CNTNAP2: variants seen among roughly 807,000 people sequenced by gnomAD.
The protein encoded by CNTNAP2 is contactin associated protein 2.
CNTNAP2 carries 98 observed loss-of-function variants against 155.2 expected under a neutral mutation model. That is an observed-to-expected ratio of 0.63 (90% CI 0.54 to 0.75). The LOEUF is 0.75. CNTNAP2 is among the 30% of genes least tolerant of loss of function. The pLI, the probability that CNTNAP2 is intolerant of heterozygous loss-of-function variation, is 0.00. For missense variants in CNTNAP2, 1,727 were observed against 1,688.1 expected, an observed-to-expected ratio of 1.02 and a Z score of -0.40; for synonymous variants, 651 against 631.2, an observed-to-expected ratio of 1.03 and a Z score of -0.47.
intron 10 of CNTNAP2, among the ~76,000 whole-genome samples, chr7:147,407,294 C>T (rs540997897): frequency 0.016 from 2,380 of 151,730 alleles, 26 homozygotes; most frequent in Middle Eastern, 0.031. Context: ...TGGTGAAACC[C>T]CGTCTCTCCT....
intron 1 of CNTNAP2, among the ~76,000 whole-genome samples, chr7:146,532,908 C>A (rs1267373518): frequency 6.6e-6 from 1 of 151,626 alleles, no homozygotes; most frequent in Non-Finnish European, 1.5e-5. Context: ...TGTGCTGAAA[C>A]CCCATCTCTA....
At chr7:146,527,937 C>T (rs1259309599) in intron 1 of CNTNAP2, among the ~76,000 whole-genome samples, 1 of 152,046 alleles carries the variant, frequency 6.6e-6, no homozygotes, top group East Asian at 1.9e-4. Flanking sequence ...AAATTTAACT[C>T]CTTATATTAC....
chr7:146,299,962 C>T (rs979298314), intron 1 of CNTNAP2, among the ~76,000 whole-genome samples: 1 of 152,044 alleles, frequency 6.6e-6, no homozygotes, highest in Non-Finnish European at 1.5e-5. Flanking sequence ...TTAGAAAGAG[C>T]CATTATACAT....
At chr7:147,625,661 G>C (rs981156072) in intron 12 of CNTNAP2, among the ~76,000 whole-genome samples, 8 of 152,174 alleles carry the variant, frequency 5.3e-5, no homozygotes, top group Non-Finnish European at 8.8e-5. Context: ...CTAATGTGCA[G>C]TTCTCACCTG....
chr7:146,952,200 C>T (rs758453070), intron 3 of CNTNAP2, among the ~76,000 whole-genome samples: 9 of 152,224 alleles, frequency 5.9e-5, no homozygotes, highest in Middle Eastern at 3.4e-3. Context: ...TCAATAGATG[C>T]TGAAAAGGCC....
chr7:147,660,897 T>TGGGG (rs1364342599), intron 13 of CNTNAP2, among the ~76,000 whole-genome samples: 1 of 152,144 alleles, frequency 6.6e-6, no homozygotes, highest in Non-Finnish European at 1.5e-5. Flanking sequence ...AAGGGAGATA[T>TGGGG]GGGGATATGG....
chr7:148,179,175 T>C (rs1794992771), intron 18 of CNTNAP2, among the ~76,000 whole-genome samples: 1 of 152,056 alleles, frequency 6.6e-6, no homozygotes, highest in Non-Finnish European at 1.5e-5. Flanking sequence ...CCTTAGTAAC[T>C]CCTGCATCCC....
intron 14 of CNTNAP2, chr7:147,940,296 GTC>G (rs932986301): frequency 1.4e-3 from 62 of 43,460 alleles, no homozygotes; most frequent in African/African-American, 3.6e-3. Context: ...GCAAGACCCT[GTC>G]TCTTTAAAAA....
At chr7:147,319,654 AG>A (rs1795308936) in intron 9 of CNTNAP2, among the ~76,000 whole-genome samples, 1 of 152,224 alleles carries the variant, frequency 6.6e-6, no homozygotes, top group Non-Finnish European at 1.5e-5. Flanking sequence ...CTGGGATTAC[AG>A]GCATGAGCCG....
intron 1 of CNTNAP2, among the ~76,000 whole-genome samples, chr7:146,624,379 A>G (rs1031863306): frequency 6.6e-6 from 1 of 152,066 alleles, no homozygotes; most frequent in East Asian, 1.9e-4. Context: ...TTTTACATTT[A>G]GAACTATGAT....
chr7:148,056,730 T>TA (rs1244543987), intron 15 of CNTNAP2: 1 of 152,254 alleles, frequency 6.6e-6, no homozygotes, highest in African/African-American at 2.4e-5. Context: ...ATATATATCC[T>TA]AAACACAAAC....
chr7:146,193,051 C>G (rs181903021), intron 1 of CNTNAP2, among the ~76,000 whole-genome samples: 1 of 152,254 alleles, frequency 6.6e-6, no homozygotes, highest in Non-Finnish European at 1.5e-5. Context: ...CCATGTCTCA[C>G]ATCCAGGACA....
intron 1 of CNTNAP2, among the ~76,000 whole-genome samples, chr7:146,443,512 G>A (rs185833132): frequency 1.8e-4 from 28 of 152,222 alleles, no homozygotes; most frequent in Middle Eastern, 3.4e-3. Flanking sequence ...GGACAAAGCC[G>A]TAATAACTCT....
intron 1 of CNTNAP2, among the ~76,000 whole-genome samples, chr7:146,358,313 C>A (rs915546284): frequency 6.6e-6 from 1 of 152,126 alleles, no homozygotes; most frequent in Non-Finnish European, 1.5e-5. Context: ...GGATTACAGG[C>A]GTGAGCCACC....
At chr7:147,379,648 A>G (rs1021867302) in intron 9 of CNTNAP2, among the ~76,000 whole-genome samples, 5 of 152,048 alleles carry the variant, frequency 3.3e-5, no homozygotes, top group African/African-American at 1.2e-4. Context: ...TTTTGGAAAA[A>G]GATAAAATAC....
At chr7:146,492,712 T>C (rs980732524) in intron 1 of CNTNAP2, among the ~76,000 whole-genome samples, 18 of 152,220 alleles carry the variant, frequency 1.2e-4, no homozygotes, top group African/African-American at 3.4e-4. Context: ...TAAACTGTGT[T>C]GTGTATATTG....
intron 1 of CNTNAP2, among the ~76,000 whole-genome samples, chr7:146,301,607 CAG>C (rs1800611893): frequency 1.3e-5 from 2 of 152,156 alleles, no homozygotes; most frequent in South Asian, 4.2e-4. Context: ...GCCTGGGTGA[CAG>C]AGTGAGACTC....
intron 14 of CNTNAP2, among the ~76,000 whole-genome samples, chr7:147,936,066 CAAAT>C (rs1446786508): frequency 6.6e-6 from 1 of 152,012 alleles, no homozygotes; most frequent in African/African-American, 2.4e-5. Context: ...AAAAAGCAAA[CAAAT>C]AAAATAACTA....
intron 2 of CNTNAP2, among the ~76,000 whole-genome samples, chr7:146,797,418 C>T (rs2129190628): frequency 2.0e-5 from 3 of 152,272 alleles, no homozygotes; most frequent in Middle Eastern, 6.8e-3. Context: ...TGCATTTTGT[C>T]TTAGAGCTAT....
Sources: allele counts gnomAD v4.1 joint callset (sites outside exome capture counted in the v4.1 genomes callset), GRCh38; gene constraint gnomAD v4.1.1; transcripts MANE v1.5; gene names NCBI Gene and HGNC (gene_info 2026-07-23, HGNC 2026-07-21).